Variants in TNRC18 observed in about 807,000 individuals in gnomAD.
TNRC18 encodes the protein trinucleotide repeat-containing gene 18 protein.
A neutral mutation model predicts 226.7 loss-of-function variants in TNRC18; 69 were observed. That is an observed-to-expected ratio of 0.30 (90% CI 0.25 to 0.37). The LOEUF (loss-of-function observed/expected upper bound fraction) is 0.37. Among genes scored for constraint, TNRC18 ranks in the 10% least tolerant of loss-of-function variants. The pLI, the probability that TNRC18 is intolerant of heterozygous loss-of-function variation, is 1.00. For missense variants in TNRC18, 4,754 were observed against 4,256.6 expected (o/e 1.12, Z -3.25); for synonymous variants, 2,449 against 1,927.6 (o/e 1.27, Z -7.09).
intron 11 of TNRC18, among the ~76,000 whole-genome samples, chr7:5,370,106 A>G (rs1794003969): frequency 6.6e-6 from 1 of 152,164 alleles, no homozygotes; most frequent in South Asian, 2.1e-4. Context: ...ACTTGAGTCC[A>G]GGAGTTTGAG....
intron 4 of TNRC18, 22 bp downstream of exon 4, chr7:5,390,463 C>G (rs774664410): frequency 5.0e-6 from 8 of 1,613,350 alleles, no homozygotes; most frequent in Non-Finnish European, 5.9e-6. Flanking sequence ...GTGCCACCCC[C>G]AACCCCGGAC....
intron 24 of TNRC18, among the ~76,000 whole-genome samples, chr7:5,318,380 G>T (rs1788052398): frequency 1.3e-5 from 2 of 151,964 alleles, no homozygotes; most frequent in African/African-American, 4.8e-5. Context: ...GGGGTTAGAA[G>T]ATAAAAGTAG....
chr7:5,371,640 C>T (rs748436258), intron 10 of TNRC18, among the ~76,000 whole-genome samples: 3 of 152,216 alleles, frequency 2.0e-5, no homozygotes, highest in Non-Finnish European at 4.4e-5. Context: ...CCACTCAGCA[C>T]CCAGCACAAG....
intron 2 of TNRC18, among the ~76,000 whole-genome samples, chr7:5,416,619 G>A (rs1384469353): frequency 6.6e-6 from 1 of 151,838 alleles, no homozygotes; most frequent in Non-Finnish European, 1.5e-5. Flanking sequence ...ACTTTGGGAG[G>A]CCAAGGCAGG....
intron 2 of TNRC18, among the ~76,000 whole-genome samples, chr7:5,415,462 C>T (rs375680806): frequency 1.3e-5 from 2 of 150,498 alleles, no homozygotes; most frequent in East Asian, 3.9e-4. Flanking sequence ...CTGCAACCTC[C>T]GCCTCCCGTG....
In TNRC18 at chr7:5,312,843, T is replaced by A; in HGVS notation, c.8048A>T (p.Asp2683Val). ...AGCCGTGGGGGCGGGGGCTGCCTCA[T>A]CGTCCGAGCTGCAGGAAGAGTCCTC... ...TDEDSSCSSD[D>V]EAAPAPTAGP... Residue 2683 changes from aspartate (D) to valine (V), a missense_variant, in exon 27 of 30, where the codon GAT (aspartate) becomes GTT (valine). By Grantham distance (152) the Asp-to-Val change is radical (BLOSUM62 -3). Transcript: ENST00000430969. The surrounding 1 kb of genome is among the most constrained non-coding windows in gnomAD (Gnocchi z 6.3). 6.6e-7 allele frequency: 1 copy of A among 1,524,304 alleles called. No homozygotes were observed. Among genetic ancestry groups the A allele is most frequent in the Non-Finnish European group, 8.8e-7 (1 of 1,136,772 alleles). 94.4% of individuals were successfully genotyped at this position (1,524,304 alleles called of 1,614,324 possible).
Position 5,361,602 on chromosome 7 carries a change from ACTG to A in TNRC18, c.4650_4652del (p.Ser1552del). 1 of 1,530,972 alleles carries A rather than the reference ACTG, an allele frequency of 6.5e-7. No homozygotes were observed. The allele number at this position is 1,530,972 out of a possible 1,614,324, so 94.8% of individuals were successfully genotyped here. On this transcript the variant is annotated inframe_deletion, in exon 14 of 30. Transcript: ENST00000430969. The stretch of plus-strand genomic sequence containing the variant: ...CGAGGGGCCAGCCTTACTTTCCGCT[ACTG>A]TGGCCGCTCTTCCCTCTCTTGCGGG...
At position 5,332,882 on chromosome 7, in the gene TNRC18, G is replaced by C. The variant is rs1289330785; in HGVS notation, c.5887C>G (p.Leu1963Val). The C allele has an allele frequency of 6.6e-7, 1 of 1,522,640 alleles. No individual in the cohort carries two copies. Among genetic ancestry groups the C allele is most frequent in the Non-Finnish European group, 8.7e-7 (1 of 1,143,834 alleles). The allele number at this position is 1,522,640 out of a possible 1,614,324, so 94.3% of individuals were successfully genotyped here. Residue 1963 changes from leucine (L) to valine (V), a missense_variant, in exon 19 of 30, where the codon CTG becomes GTG. Transcript: ENST00000430969. Reference protein sequence around the residue: ...PDPSSPDKAKLAVEKGRKARK... With the variant: ...PDPSSPDKAKVAVEKGRKARK... ...GCCTTGCGCCCCTTCTCCACCGCCAGCTTGGCCTTGTCTGGGCTGCTGGGG... is the reference window on the plus strand; with the variant it reads ...GCCTTGCGCCCCTTCTCCACCGCCACCTTGGCCTTGTCTGGGCTGCTGGGG...
chr7:5,375,897 A>G, intron 9 of TNRC18, 137 bp downstream of exon 9: 1 of 845,406 alleles, frequency 1.2e-6, no homozygotes, highest in Admixed American at 2.8e-5. Flanking sequence ...CCTCCTCCAG[A>G]AGCCCTCCCT....
chr7:5,373,959 T>C, intron 10 of TNRC18, 96 bp downstream of exon 10: 1 of 1,007,158 alleles, frequency 9.9e-7, no homozygotes. Context: ...GGAGGTGGAA[T>C]GAACGAACGA....
intron 3 of TNRC18, among the ~76,000 whole-genome samples, chr7:5,392,299 T>C (rs1255434136): frequency 1.3e-5 from 2 of 151,894 alleles, no homozygotes; most frequent in East Asian, 3.9e-4. Context: ...CCATCTCTAC[T>C]AAAAATACAA....
At chr7:5,403,660 T>G (rs1206462263) in intron 2 of TNRC18, among the ~76,000 whole-genome samples, 1 of 151,944 alleles carries the variant, frequency 6.6e-6, no homozygotes, top group African/African-American at 2.4e-5. Flanking sequence ...GGCTTAGTGG[T>G]GTACACCTGT....
chr7:5,328,403 T>C (rs1270013262), intron 19 of TNRC18, among the ~76,000 whole-genome samples: 1 of 151,322 alleles, frequency 6.6e-6, no homozygotes. Context: ...CGTGGTGGTA[T>C]ACACCTGTAA....
chr7:5,354,965 G>A (rs530229916), intron 16 of TNRC18, among the ~76,000 whole-genome samples: 2 of 152,086 alleles, frequency 1.3e-5, no homozygotes, highest in East Asian at 1.9e-4. Flanking sequence ...CCCCTTCTCC[G>A]CCCATGAACC....
chr7:5,389,377 T>TC (rs1450791379), intron 4 of TNRC18, 41 bp from the exon 5 acceptor site: 1 of 1,225,144 alleles, frequency 8.2e-7, no homozygotes, highest in Non-Finnish European at 1.0e-6. Flanking sequence ...GAGCGCCACC[T>TC]CCCCTCCCAC....
intron 3 of TNRC18, among the ~76,000 whole-genome samples, chr7:5,393,411 C>G (rs1264997878): frequency 1.3e-5 from 2 of 152,244 alleles, no homozygotes; most frequent in Non-Finnish European, 2.9e-5. Flanking sequence ...GGTCCTGTGA[C>G]TAGAGACGCC....
rs753398540 is a variant in TNRC18, at chr7:5,390,481, T to C, written c.487+4A>G. On this transcript the variant is annotated splice_donor_region_variant and intron_variant, in intron 4 of 29. Coordinates refer to ENST00000430969, the MANE Select transcript of TNRC18 (RefSeq NM_001080495.3). The stretch of plus-strand genomic sequence containing the variant: ...CCACCCCCAACCCCGGACTCCAGTC[T>C]TACCTCCTCCTGGCCCCTGACCTTT... 1 of 1,613,392 alleles carries C rather than the reference T, an allele frequency of 6.2e-7. No homozygotes were observed. The highest frequency in any genetic ancestry group is 1.7e-5 in the Admixed American group (1 of 59,970).
chr7:5,315,213 C>G (rs1397397964), intron 25 of TNRC18, 65 bp from the exon 26 acceptor site: 1 of 1,526,584 alleles, frequency 6.6e-7, no homozygotes, highest in Admixed American at 2.0e-5. Flanking sequence ...TTCCAAGACC[C>G]TGGTCTGTCC....
At chr7:5,353,404 C>T (rs1386143122) in intron 16 of TNRC18, among the ~76,000 whole-genome samples, 2 of 151,980 alleles carry the variant, frequency 1.3e-5, no homozygotes, top group Non-Finnish European at 2.9e-5. Context: ...GTTGTATTTT[C>T]TATTTGTATT....
Sources: allele counts gnomAD v4.1 joint callset (sites outside exome capture counted in the v4.1 genomes callset), GRCh38; gene constraint gnomAD v4.1.1; non-coding constraint Gnocchi (gnomAD v3.1); transcripts MANE v1.5; gene names NCBI Gene and HGNC (gene_info 2026-07-23, HGNC 2026-07-21).